PARD6G: variants seen among roughly 807,000 people sequenced by gnomAD.
PARD6G encodes the protein partitioning defective 6 homolog gamma.
Under a neutral mutation model 10.7 loss-of-function variants are expected in PARD6G, and 7 were observed. The ratio of observed to expected loss-of-function variants is 0.66; its 90% CI spans 0.37 to 1.23. PARD6G has a LOEUF of 1.23. Ranked by LOEUF, PARD6G falls within the 50% of genes most tolerant of loss-of-function variation. The probability of loss-of-function intolerance (pLI) is 0.02; values close to 1 mark genes in which losing one functional copy is unlikely to be tolerated. For missense variants in PARD6G, 548 were observed against 571.8 expected, an observed-to-expected ratio of 0.96 and a Z score of 0.42; for synonymous variants, 287 against 269.4, an observed-to-expected ratio of 1.07 and a Z score of -0.64.
chr18:80,201,094 G>A lies in PARD6G; in HGVS notation c.295+1616C>T, dbSNP rs564212497. 8.4e-4 allele frequency among the ~76,000 whole-genome samples: 128 copies of A among 152,246 alleles called. No homozygotes were observed. Among genetic ancestry groups the A allele is most frequent in the African/African-American group, 2.7e-3 (113 of 41,526 alleles). On this transcript the variant is annotated intron_variant, in intron 2 of 2. Coordinates refer to ENST00000353265, the MANE Select transcript of PARD6G (RefSeq NM_032510.4). The surrounding 1 kb of genome is among the most constrained non-coding windows in gnomAD (Gnocchi z 5.9). ...AGCCAGGAACACACCCCCACCCTACGCTCCTGGTCGGGTGGAGACAGACGG... is the reference window on the plus strand; with the variant it reads ...AGCCAGGAACACACCCCCACCCTACACTCCTGGTCGGGTGGAGACAGACGG...
chr18:80,177,218 G>GTACACACA (rs2052816202), intron 2 of PARD6G, among the ~76,000 whole-genome samples: 1 of 98,784 alleles, frequency 1.0e-5, no homozygotes, highest in South Asian at 4.1e-4. Flanking sequence ...AATGGGAAGC[G>GTACACACA]CACACACACA....
At chr18:80,165,607 T>C (rs1223519785) in intron 2 of PARD6G, among the ~76,000 whole-genome samples, 1 of 152,198 alleles carries the variant, frequency 6.6e-6, no homozygotes, top group African/African-American at 2.4e-5. Context: ...TGGGAACTGA[T>C]AAATGTCCAT....
intron 1 of PARD6G, among the ~76,000 whole-genome samples, chr18:80,240,980 T>A (rs1967483599): frequency 6.6e-6 from 1 of 152,178 alleles, no homozygotes; most frequent in East Asian, 1.9e-4. Context: ...TAAACAAATG[T>A]ATGGATAAGA....
rs1160097204 is a variant in PARD6G, at chr18:80,200,430, C to T, written c.295+2280G>A. Among the ~76,000 whole-genome samples the T allele has an allele frequency of 6.6e-6, 1 of 152,196 alleles. No homozygotes were observed. Among genetic ancestry groups the T allele is most frequent in the African/African-American group, 2.4e-5 (1 of 41,446 alleles). The stretch of plus-strand genomic sequence containing the variant: ...AAGGGCTTGTCATCAGCAGATGTCG[C>T]TGTTAAGCTCTGACAACAACCCCAG... On this transcript the variant is annotated intron_variant, in intron 2 of 2. Coordinates refer to ENST00000353265, the MANE Select transcript of PARD6G (RefSeq NM_032510.4). This position sits in a 1 kb window ranked among gnomAD's most constrained non-coding sequence, Gnocchi z 4.4.
At chr18:80,225,286 C>T (rs1568441870) in intron 1 of PARD6G, among the ~76,000 whole-genome samples, 1 of 152,144 alleles carries the variant, frequency 6.6e-6, no homozygotes, top group Non-Finnish European at 1.5e-5. Context: ...CTAGGGAGGA[C>T]CCTTAGGGCC....
intron 2 of PARD6G, among the ~76,000 whole-genome samples, chr18:80,163,709 C>A (rs768887365): frequency 1.3e-5 from 2 of 152,212 alleles, no homozygotes; most frequent in African/African-American, 2.4e-5. Context: ...AAGGGCACAG[C>A]GGGCCGGGCC....
chr18:80,237,025 A>T lies in PARD6G; in HGVS notation c.72+10252T>A, dbSNP rs373139305. Among the ~76,000 whole-genome samples, 8 of 152,226 alleles carry T rather than the reference A, an allele frequency of 5.3e-5. No homozygotes were observed. In the East Asian group the frequency reaches 1.2e-3, roughly 22 times the overall value. Reference sequence around the variant, plus strand: ...TTTAAAGTTCATATGGAACCAAAAAAGAACCCGCATTGCCAAGTCAATCCT... The same window carrying T: ...TTTAAAGTTCATATGGAACCAAAAATGAACCCGCATTGCCAAGTCAATCCT... On this transcript the variant is annotated intron_variant, in intron 1 of 2. Coordinates refer to ENST00000353265, the MANE Select transcript of PARD6G (RefSeq NM_032510.4).
At chr18:80,195,675 C>G (rs1966949008) in intron 2 of PARD6G, among the ~76,000 whole-genome samples, 1 of 148,448 alleles carries the variant, frequency 6.7e-6, no homozygotes, top group South Asian at 2.2e-4. Context: ...GTCAGGAGTT[C>G]CAGACTGGCC....
intron 1 of PARD6G, among the ~76,000 whole-genome samples, chr18:80,205,920 T>C (rs1053171016): frequency 6.6e-6 from 1 of 152,180 alleles, no homozygotes; most frequent in Non-Finnish European, 1.5e-5. Flanking sequence ...AGTAAGAGTG[T>C]TTTTGAATTT....
intron 2 of PARD6G, among the ~76,000 whole-genome samples, chr18:80,177,547 C>G (rs1268033010): frequency 2.0e-5 from 3 of 149,602 alleles, no homozygotes; most frequent in Non-Finnish European, 4.4e-5. Flanking sequence ...CGGGCACACA[C>G]ACACAGGATA....
At chr18:80,197,244 C>T (rs768763094) in intron 2 of PARD6G, among the ~76,000 whole-genome samples, 1 of 152,152 alleles carries the variant, frequency 6.6e-6, no homozygotes, top group Non-Finnish European at 1.5e-5. Flanking sequence ...AGCTATTTCC[C>T]TAAGAATCCA....
chr18:80,243,351 C>T (rs1967509660), intron 1 of PARD6G, among the ~76,000 whole-genome samples: 2 of 152,090 alleles, frequency 1.3e-5, no homozygotes, highest in African/African-American at 4.8e-5. Flanking sequence ...CCATGACATG[C>T]CTATTTGACC....
At chr18:80,225,177 C>T (rs549839648) in intron 1 of PARD6G, among the ~76,000 whole-genome samples, 5 of 152,276 alleles carry the variant, frequency 3.3e-5, no homozygotes, top group South Asian at 2.1e-4. Context: ...CAGCCATCAC[C>T]GCATGTTGGA....
chr18:80,229,626 C>T (rs1442958267), intron 1 of PARD6G, among the ~76,000 whole-genome samples: 2 of 152,238 alleles, frequency 1.3e-5, no homozygotes, highest in South Asian at 2.1e-4. Flanking sequence ...TTAAAGGTTG[C>T]ACAACTGACC....
chr18:80,187,073 G>T (rs926409367), intron 2 of PARD6G, among the ~76,000 whole-genome samples: 2 of 151,872 alleles, frequency 1.3e-5, no homozygotes. Flanking sequence ...CTCCAGCCTG[G>T]GGGACAGAGT....
rs1967015767 is a variant in PARD6G, at chr18:80,202,355, CCCT to C, written c.295+352_295+354del. On this transcript the variant is annotated intron_variant, in intron 2 of 2. Coordinates refer to ENST00000353265, the MANE Select transcript of PARD6G (RefSeq NM_032510.4). The stretch of plus-strand genomic sequence containing the variant: ...AGTTATCATCGAAAGCTAACATGCT[CCCT>C]CCTCCTAACAAGATGATGGAGGGCA... 2.0e-5 allele frequency among the ~76,000 whole-genome samples: 3 copies of C among 152,270 alleles called. No homozygotes were observed. In the South Asian group the frequency reaches 6.2e-4, roughly 32 times the overall value.
intron 1 of PARD6G, among the ~76,000 whole-genome samples, chr18:80,235,232 A>G (rs1381644382): frequency 2.0e-5 from 3 of 152,358 alleles, no homozygotes; most frequent in African/African-American, 7.2e-5. Context: ...CTACATGGAA[A>G]CTGAACAACC....
At chr18:80,226,229 A>G (rs1157505409) in intron 1 of PARD6G, among the ~76,000 whole-genome samples, 1 of 124,608 alleles carries the variant, frequency 8.0e-6, no homozygotes, top group African/African-American at 3.2e-5. Context: ...GGAGTGCAAT[A>G]GTGTGATCTT....
chr18:80,205,736 C>T (rs1967048142), intron 1 of PARD6G, among the ~76,000 whole-genome samples: 2 of 152,172 alleles, frequency 1.3e-5, no homozygotes, highest in Non-Finnish European at 2.9e-5. Flanking sequence ...CCTGTGGAAC[C>T]GTGAGCCAAT....
Sources: gnomAD v4.1 joint callset for allele counts (sites outside exome capture counted in the v4.1 genomes callset) on GRCh38, gnomAD v4.1.1 for gene constraint, Gnocchi (gnomAD v3.1) non-coding constraint, MANE v1.5 for transcripts, NCBI Gene and HGNC (gene_info 2026-07-23, HGNC 2026-07-21) for gene names.